Variants in BPGM observed in about 807,000 individuals in gnomAD.
BPGM encodes the protein bisphosphoglycerate mutase, also known as 2,3-bisphosphoglycerate mutase, erythrocyte.
A neutral mutation model predicts 21.6 loss-of-function variants in BPGM; 15 were observed. The ratio of observed to expected loss-of-function variants is 0.70; its 90% CI spans 0.47 to 1.07. The LOEUF (loss-of-function observed/expected upper bound fraction) is 1.07. Among genes scored for constraint, BPGM ranks in the 50% least tolerant of loss-of-function variants. BPGM has a pLI of 0.00. For missense variants in BPGM, 273 were observed against 319.0 expected (o/e 0.86, Z 1.10); for synonymous variants, 113 against 116.2 (o/e 0.97, Z 0.18).
chr7:134,651,703 TAATTTTATGTTTC>T (rs1236003756), intron 1 of BPGM, among the ~76,000 whole-genome samples: 1 of 152,210 alleles, frequency 6.6e-6, no homozygotes, highest in Non-Finnish European at 1.5e-5. Context: ...TCTTGAATCA[TAATTTTATGTTTC>T]AATTTTATGG....
At chr7:134,672,364 G>A (rs1795918851) in intron 2 of BPGM, among the ~76,000 whole-genome samples, 1 of 152,034 alleles carries the variant, frequency 6.6e-6, no homozygotes. Flanking sequence ...ACACCACTGA[G>A]TTCTCACCCT....
chr7:134,649,457 C>G (rs1386093613), intron 1 of BPGM, among the ~76,000 whole-genome samples: 1 of 152,142 alleles, frequency 6.6e-6, no homozygotes, highest in East Asian at 1.9e-4. Flanking sequence ...ATGATTGATG[C>G]ACCTAAATTC....
Position 134,665,623 on chromosome 7 carries a change from T to A in BPGM, c.601+3515T>A, listed in dbSNP as rs1284052048. ...AAAACTTAGAGTATAATAAAAAAAA[T>A]AAAATAAAATAAAATAAAAATTAAT... On this transcript the variant is annotated intron_variant, in intron 2 of 2. Coordinates refer to ENST00000344924, the MANE Select transcript of BPGM (RefSeq NM_001724.5). 7.1e-3 allele frequency among the ~76,000 whole-genome samples: 47 copies of A among 6,632 alleles called. 18 individuals are homozygous for A. The East Asian group carries it at 0.69, about 97-fold the overall frequency. 4.4% of individuals were successfully genotyped at this position (6,632 alleles called of 152,430 possible). A position where few individuals can be genotyped will look rare whatever the true frequency, so the allele number is the denominator to read the frequency against.
chr7:134,656,419 T>C (rs923801814), intron 1 of BPGM, among the ~76,000 whole-genome samples: 4 of 152,212 alleles, frequency 2.6e-5, no homozygotes, highest in African/African-American at 7.2e-5. Context: ...GTGTTAGAAT[T>C]GTATTAGTTC....
At chr7:134,672,902 C>T (rs1307577754) in intron 2 of BPGM, among the ~76,000 whole-genome samples, 4 of 152,222 alleles carry the variant, frequency 2.6e-5, no homozygotes, top group South Asian at 4.2e-4. Context: ...TGGCCGGGCG[C>T]GGTGGCTCAC....
intron 2 of BPGM, among the ~76,000 whole-genome samples, chr7:134,672,401 A>G (rs1318179449): frequency 6.6e-6 from 1 of 152,184 alleles, no homozygotes; most frequent in African/African-American, 2.4e-5. Flanking sequence ...ACCCTACTGT[A>G]GAACACAGTG....
intron 1 of BPGM, among the ~76,000 whole-genome samples, chr7:134,648,358 T>C (rs1432846528): frequency 3.6e-5 from 5 of 140,622 alleles, no homozygotes; most frequent in Admixed American, 7.1e-5. Flanking sequence ...TGGTCTCGAA[T>C]TCCTGACCTC....
intron 1 of BPGM, among the ~76,000 whole-genome samples, chr7:134,655,429 C>T (rs1250578473): frequency 6.6e-6 from 1 of 152,104 alleles, no homozygotes; most frequent in Non-Finnish European, 1.5e-5. Flanking sequence ...GAGCCAAGAT[C>T]CTCAAACCAT....
chr7:134,676,782 T>C (rs1795988742), intron 2 of BPGM, among the ~76,000 whole-genome samples: 1 of 152,206 alleles, frequency 6.6e-6, no homozygotes, highest in South Asian at 2.1e-4. Context: ...CCTCCAGAGC[T>C]TCCCCTGGAT....
intron 1 of BPGM, among the ~76,000 whole-genome samples, chr7:134,657,655 C>T (rs934936042): frequency 6.6e-6 from 1 of 152,150 alleles, no homozygotes; most frequent in African/African-American, 2.4e-5. Context: ...GAGAGAGAAG[C>T]AGTGTCACCT....
At chr7:134,667,016 G>A (rs2131444468) in intron 2 of BPGM, among the ~76,000 whole-genome samples, 1 of 152,208 alleles carries the variant, frequency 6.6e-6, no homozygotes, top group Non-Finnish European at 1.5e-5. Flanking sequence ...TCTAATGTTA[G>A]TCCTCTTGTA....
intron 1 of BPGM, among the ~76,000 whole-genome samples, chr7:134,654,328 A>T (rs926356687): frequency 1.3e-5 from 2 of 152,212 alleles, no homozygotes; most frequent in African/African-American, 4.8e-5. Context: ...TAAAGCAGTG[A>T]GAAAAGGGTT....
intron 1 of BPGM, among the ~76,000 whole-genome samples, chr7:134,647,800 T>C (rs1406885524): frequency 6.6e-6 from 1 of 152,228 alleles, no homozygotes; most frequent in Admixed American, 6.5e-5. Context: ...TCTTTTATTT[T>C]TTATTTTTTT....
At position 134,661,783 on chromosome 7, in the gene BPGM, T is replaced by C. The variant is rs1322024505; in HGVS notation, c.276T>C (p.Tyr92=). ...CCTGGCGTCTAAATGAGCGTCACTA[T>C]GGGGCCTTGATCGGTCTCAACAGGG... is the stretch of plus-strand genomic sequence containing the variant. ...ESSWRLNERH[Y]GALIGLNREQ... is the part of the protein sequence containing the mutation. Residue 92 remains tyrosine, a synonymous_variant, in exon 2 of 3, where the codon TAT becomes TAC. Coordinates refer to ENST00000344924, the MANE Select transcript of BPGM (RefSeq NM_001724.5). This position sits in a 1 kb window ranked among gnomAD's most constrained non-coding sequence, Gnocchi z 4.6. 2 of 1,614,144 alleles carry C rather than the reference T, an allele frequency of 1.2e-6. No individual in the cohort carries two copies. The highest frequency in any genetic ancestry group is 8.5e-7 in the Non-Finnish European group (1 of 1,180,008).
chr7:134,655,372 G>C (rs1446059311), intron 1 of BPGM, among the ~76,000 whole-genome samples: 3 of 152,090 alleles, frequency 2.0e-5, no homozygotes, highest in Non-Finnish European at 2.9e-5. Context: ...CCTGGGTTTG[G>C]AAGGACAAGT....
At chr7:134,649,891 T>C (rs556440652) in intron 1 of BPGM, among the ~76,000 whole-genome samples, 19 of 152,188 alleles carry the variant, frequency 1.2e-4, no homozygotes, top group Non-Finnish European at 2.4e-4. Context: ...ATCGGCAAGG[T>C]AGGATTGCTT....
At chr7:134,666,925 T>A (rs1795829565) in intron 2 of BPGM, among the ~76,000 whole-genome samples, 1 of 152,218 alleles carries the variant, frequency 6.6e-6, no homozygotes, top group South Asian at 2.1e-4. Flanking sequence ...TTTTTTCACA[T>A]CATTTCTGTT....
At chr7:134,653,721 C>T (rs1378594783) in intron 1 of BPGM, among the ~76,000 whole-genome samples, 2 of 152,194 alleles carry the variant, frequency 1.3e-5, no homozygotes, top group Non-Finnish European at 2.9e-5. Flanking sequence ...CAATACTGTT[C>T]TGTAATAATG....
At chr7:134,676,906 C>T (rs775016430) in intron 2 of BPGM, among the ~76,000 whole-genome samples, 9 of 152,262 alleles carry the variant, frequency 5.9e-5, no homozygotes, top group East Asian at 1.9e-4. Context: ...GGCTGTTGTG[C>T]GGCTAGCTGA....
Sources: allele counts gnomAD v4.1 joint callset (sites outside exome capture counted in the v4.1 genomes callset), GRCh38; gene constraint gnomAD v4.1.1; non-coding constraint Gnocchi (gnomAD v3.1); transcripts MANE v1.5; gene names NCBI Gene and HGNC (gene_info 2026-07-23, HGNC 2026-07-21).